Variants in CYP4F11 observed in about 807,000 individuals in gnomAD.
The protein encoded by CYP4F11 is cytochrome P450 family 4 subfamily F member 11.
A neutral mutation model predicts 62.2 loss-of-function variants in CYP4F11; 79 were observed. That is an observed-to-expected ratio of 1.27 (90% confidence interval 1.06 to 1.53). CYP4F11 has a LOEUF of 1.53. Ranked by LOEUF, CYP4F11 falls within the 40% of genes most tolerant of loss-of-function variation. CYP4F11 has a pLI of 0.00. For missense variants in CYP4F11, 777 were observed against 680.5 expected (o/e 1.14, Z -1.58); for synonymous variants, 290 against 263.7 (o/e 1.10, Z -0.97).
Position 15,924,022 on chromosome 19 carries a change from G to A in CYP4F11, c.708C>T (p.Asn236=), listed in dbSNP as rs1265802151. The part of the protein sequence containing the change: ...LELSAFVEKR[N]QQILLHTDFL... ...AGTCCGTGTGCAAGAGAATCTGCTGGTTTCTCTTTTCTACAAAGGCACTGA... is the reference window on the plus strand; with the variant it reads ...AGTCCGTGTGCAAGAGAATCTGCTGATTTCTCTTTTCTACAAAGGCACTGA... The change falls in exon 6 of 12, where the codon AAC becomes AAT. Residue 236 remains asparagine (N), a synonymous_variant. Transcript: ENST00000402119. The A allele has an allele frequency of 1.9e-6, 3 of 1,614,030 alleles. No homozygotes were observed. Among genetic ancestry groups the A allele is most frequent in the East Asian group, 2.2e-5 (1 of 44,882 alleles).
At chr19:15,927,624 G>A in intron 2 of CYP4F11, 141 bp from the exon 3 acceptor site, 3 of 1,141,406 alleles carry the variant, frequency 2.6e-6, no homozygotes, top group South Asian at 2.9e-5. Context: ...GGTAGAGGAA[G>A]AAGGGAGGAT....
At chr19:15,924,688 G>T (rs3746155) in intron 5 of CYP4F11, 73 bp downstream of exon 5, 4 of 1,561,784 alleles carry the variant, frequency 2.6e-6, no homozygotes. Context: ...TGGTTACCCC[G>T]GTCAGCCATC....
rs893226619 is a variant in CYP4F11 at position 15,923,386 on chromosome 19, A to C, written c.918+426T>G. On this transcript the variant is annotated intron_variant, in intron 6 of 11. Coordinates refer to ENST00000402119, the MANE Select transcript of CYP4F11 (RefSeq NM_021187.4). ...ACTGTGGGGCCCCTCTCTGCAGTGCATTCTGGTGTATTTACAGGTAAAAAC... is the reference window on the plus strand; with the variant it reads ...ACTGTGGGGCCCCTCTCTGCAGTGCCTTCTGGTGTATTTACAGGTAAAAAC... Among the ~76,000 whole-genome samples, 142 of 151,996 alleles carry C rather than the reference A, an allele frequency of 9.3e-4. 1 individual carries two copies. The highest frequency in any genetic ancestry group is 9.3e-3 in the Admixed American group (142 of 15,260).
At chr19:15,915,720 G>A (rs1485436148) in intron 8 of CYP4F11, among the ~76,000 whole-genome samples, 1 of 151,764 alleles carries the variant, frequency 6.6e-6, no homozygotes, top group Non-Finnish European at 1.5e-5. Flanking sequence ...TATCAAAATA[G>A]GGTTATCCCT....
chr19:15,928,609 GA>G (rs2089687306), intron 2 of CYP4F11, among the ~76,000 whole-genome samples: 1 of 152,210 alleles, frequency 6.6e-6, no homozygotes. Context: ...ACTCGCAACT[GA>G]AAGAGACTTC....
intron 1 of CYP4F11, among the ~76,000 whole-genome samples, chr19:15,931,581 C>CA (rs2089721362): frequency 1.8e-5 from 1 of 55,778 alleles, no homozygotes; most frequent in Non-Finnish European, 3.5e-5. Context: ...AATGAGTGAG[C>CA]GAGGAGAGGA....
In CYP4F11 at chr19:15,923,838, A is replaced by G. The variant is rs1384526965; in HGVS notation, c.892T>C (p.Phe298Leu). ...TTGCTCAGCAGAAGCACATCAATGA[A>G]GTCTAAAGTCTTGGACTTTGCCTTG... ...KNKAKSKTLD[F>L]IDVLLLSKDE... Residue 298 changes from phenylalanine (F) to leucine (L), a missense_variant, in exon 6 of 12, where the codon TTC becomes CTC. Coordinates refer to ENST00000402119, the MANE Select transcript of CYP4F11 (RefSeq NM_021187.4). 7 of 1,614,118 alleles carry G rather than the reference A, an allele frequency of 4.3e-6. No individual in the cohort carries two copies. Among genetic ancestry groups the G allele is most frequent in the South Asian group, 1.1e-5 (1 of 91,084 alleles).
rs1382234074 is a variant in CYP4F11 at position 15,912,739 on chromosome 19, GTA to G, written c.*991_*992del. 630 of 37,498 alleles carry G rather than the reference GTA, an allele frequency of 0.017. 24 individuals carry two copies. The highest frequency in any genetic ancestry group is 0.061 in the African/African-American group (566 of 9,210). The allele number at this position is 37,498 out of a possible 1,614,324, so 2.3% of individuals were successfully genotyped here. A position where few individuals can be genotyped will look rare whatever the true frequency, so the allele number is the denominator to read the frequency against. Reference sequence around the variant, plus strand: ...TGTGTGTGTGTGTGTGTGTGTATATGTATATATGTGTGTGTGTGTGTGTGTGT... The same window carrying G: ...TGTGTGTGTGTGTGTGTGTGTATATGTATATGTGTGTGTGTGTGTGTGTGT... On this transcript the variant is annotated 3_prime_UTR_variant, in exon 12 of 12. Coordinates refer to ENST00000402119, the MANE Select transcript of CYP4F11 (RefSeq NM_021187.4).
intron 4 of CYP4F11, among the ~76,000 whole-genome samples, chr19:15,925,320 A>C (rs1439187395): frequency 1.3e-5 from 2 of 152,214 alleles, no homozygotes; most frequent in Admixed American, 1.3e-4. Context: ...GCAACAGGGC[A>C]AAACCAACCA....
chr19:15,922,269 G>A (rs1250290790), intron 7 of CYP4F11, 95 bp downstream of exon 7: 2 of 1,600,578 alleles, frequency 1.2e-6, no homozygotes, highest in Admixed American at 1.7e-5. Flanking sequence ...GGGAGGAGGA[G>A]GATGGGCAGA....
Position 15,933,101 on chromosome 19 carries a change from T to C in CYP4F11, c.198+1110A>G, listed in dbSNP as rs372605683. On this transcript the variant is annotated intron_variant, in intron 1 of 11. Transcript: ENST00000402119. ...GTGAGTGAGGAGAAGAATGAGTGAGTGAGGAGAGGAATGAGTGAGCGAGGA... is the reference window on the plus strand; with the variant it reads ...GTGAGTGAGGAGAAGAATGAGTGAGCGAGGAGAGGAATGAGTGAGCGAGGA... 3.7e-3 allele frequency among the ~76,000 whole-genome samples: 17 copies of C among 4,564 alleles called. 1 individual carries two copies. Among genetic ancestry groups the C allele is most frequent in the Non-Finnish European group, 3.8e-3 (9 of 2,338 alleles). The allele number at this position is 4,564 out of a possible 152,430, so 3.0% of individuals were successfully genotyped here.
Position 15,922,169 on chromosome 19 carries a change from G to C in CYP4F11, c.986-3C>G. The C allele has an allele frequency of 1.9e-6, 3 of 1,607,294 alleles. No homozygotes were observed. The highest frequency in any genetic ancestry group is 2.5e-6 in the Non-Finnish European group (3 of 1,177,470). ...ACCACTGGCTGTAGTGTCATGGCCT[G>C]AGGGGCAGCCAAGCAAAACTGGGTT... On this transcript the variant is annotated splice_polypyrimidine_tract_variant and splice_region_variant and intron_variant, in intron 7 of 11. Transcript: ENST00000402119.
At chr19:15,922,266 G>A (rs1180814750) in intron 7 of CYP4F11, 98 bp downstream of exon 7, 1 of 1,601,244 alleles carries the variant, frequency 6.2e-7, no homozygotes, top group East Asian at 2.2e-5. Context: ...GTAGGGAGGA[G>A]GAGGATGGGC....
rs1204888918 is a variant in CYP4F11, at chr19:15,912,676, AAAAAAT to A, written c.*1050_*1055del. 2 of 27,676 alleles carry A rather than the reference AAAAAAT, an allele frequency of 7.2e-5. No homozygotes were observed. Among genetic ancestry groups the A allele is most frequent in the South Asian group, 2.8e-3 (2 of 724 alleles). 1.7% of individuals were successfully genotyped at this position (27,676 alleles called of 1,614,324 possible). The stretch of plus-strand genomic sequence containing the variant: ...ACCTTCACCATCCTCAGGAAAAAAA[AAAAAAT>A]ATATATATATATATATGTGTGTGTG... On this transcript the variant is annotated 3_prime_UTR_variant, in exon 12 of 12. Coordinates refer to ENST00000402119, the MANE Select transcript of CYP4F11 (RefSeq NM_021187.4).
In CYP4F11 at chr19:15,934,409, C is replaced by G. The variant is rs1409744593; in HGVS notation, c.-1G>C. The G allele has an allele frequency of 3.7e-6, 6 of 1,612,800 alleles. No homozygotes were observed. The highest frequency in any genetic ancestry group is 3.3e-4 in the Middle Eastern group (2 of 6,006). The stretch of plus-strand genomic sequence containing the variant: ...GCCAGGACAGGCTCAGCTGCGGCAT[C>G]CTGCAGGGCAGACGGGATGGAGGGT... On this transcript the variant is annotated 5_prime_UTR_variant, in exon 1 of 12. Coordinates refer to ENST00000402119, the MANE Select transcript of CYP4F11 (RefSeq NM_021187.4).
rs375424381 is a variant in CYP4F11, at chr19:15,923,967, G to A, written c.763C>T (p.Arg255Cys). 60 of 1,614,066 alleles carry A rather than the reference G, an allele frequency of 3.7e-5. 1 individual carries two copies. The highest frequency in any genetic ancestry group is 3.4e-4 in the South Asian group (31 of 91,084). Reference sequence around the variant, plus strand: ...ACCAGGTGGCAGGCCCTGCGGAAGCGCTGCCCATCAGGAGTGAGATAATAC... The same window carrying A: ...ACCAGGTGGCAGGCCCTGCGGAAGCACTGCCCATCAGGAGTGAGATAATAC... ...FLYYLTPDGQ[R>C]FRRACHLVHD... The change falls in exon 6 of 12, where the codon CGC (arginine) becomes TGC (cysteine). Residue 255 changes from arginine to cysteine, a missense_variant. Physicochemically the swap from Arg to Cys is radical, Grantham distance 180 (BLOSUM62 -3). Transcript: ENST00000402119.
chr19:15,914,601 C>T lies in CYP4F11; in HGVS notation c.1314+1G>A. ...AAAGGGTGGGGTGAGGGAGGCACTA[C>T]CTCAGGGTCTGGCCACACAGTTGGG... On this transcript the variant is annotated splice_donor_variant, in intron 10 of 11. Transcript: ENST00000402119. LOFTEE classifies it high-confidence loss of function. 6.2e-7 allele frequency: 1 copy of T among 1,614,204 alleles called. No homozygotes were observed. Among genetic ancestry groups the T allele is most frequent in the Non-Finnish European group, 8.5e-7 (1 of 1,180,018 alleles).
intron 8 of CYP4F11, 141 bp from the exon 9 acceptor site, chr19:15,915,036 GA>G (rs1437825025): frequency 1.5e-6 from 2 of 1,364,480 alleles, no homozygotes; most frequent in Non-Finnish European, 9.6e-7. Flanking sequence ...TTAAAAAGCA[GA>G]AAAAAATTAG....
chr19:15,918,433 T>C (rs2089598412), intron 8 of CYP4F11, among the ~76,000 whole-genome samples: 1 of 152,132 alleles, frequency 6.6e-6, no homozygotes, highest in Admixed American at 6.5e-5. Flanking sequence ...AAACTTAAAA[T>C]AAAAGTTGAA....
Sources: gnomAD v4.1 joint callset for allele counts (sites outside exome capture counted in the v4.1 genomes callset) on GRCh38, gnomAD v4.1.1 for gene constraint, MANE v1.5 for transcripts, NCBI Gene and HGNC (gene_info 2026-07-23, HGNC 2026-07-21) for gene names.